Variants in SYNDIG1 observed in about 807,000 individuals in gnomAD.
SYNDIG1 encodes the protein synapse differentiation inducing 1.
SYNDIG1 carries 9 observed loss-of-function variants against 19.4 expected under a neutral mutation model. The ratio of observed to expected loss-of-function variants is 0.46; its 90% CI spans 0.28 to 0.81. SYNDIG1 has a LOEUF of 0.81. Ranked by LOEUF, SYNDIG1 falls within the 30% of genes least tolerant of loss-of-function variation. The probability of loss-of-function intolerance (pLI) is 0.12; values close to 1 mark genes in which losing one functional copy is unlikely to be tolerated. For synonymous variants in SYNDIG1, 141 were observed against 145.9 expected (o/e 0.97, Z 0.24); for missense variants, 311 against 343.3 (o/e 0.91, Z 0.74).
At chr20:24,494,540 G>C (rs1011018644) in intron 1 of SYNDIG1, among the ~76,000 whole-genome samples, 6 of 152,230 alleles carry the variant, frequency 3.9e-5, no homozygotes, top group Non-Finnish European at 4.4e-5. Context: ...TCATTCCTGG[G>C]GGACTGGTGC....
intron 2 of SYNDIG1, among the ~76,000 whole-genome samples, chr20:24,553,667 A>G (rs558312378): frequency 2.0e-3 from 311 of 152,276 alleles, no homozygotes; most frequent in African/African-American, 7.1e-3. Flanking sequence ...CCATTCATCT[A>G]TATCTCTGAT....
intron 2 of SYNDIG1, among the ~76,000 whole-genome samples, chr20:24,544,673 G>T (rs1379785295): frequency 6.6e-6 from 1 of 152,118 alleles, no homozygotes; most frequent in Admixed American, 6.5e-5. Flanking sequence ...GGTGGGGTAA[G>T]GGAAAGTTTG....
chr20:24,651,225 G>A (rs979033179), intron 3 of SYNDIG1, among the ~76,000 whole-genome samples: 4 of 152,132 alleles, frequency 2.6e-5, no homozygotes, highest in Non-Finnish European at 5.9e-5. Context: ...CTGCAAAGAG[G>A]CTGACTGTAA....
intron 2 of SYNDIG1, among the ~76,000 whole-genome samples, chr20:24,549,800 T>C (rs1367271334): frequency 6.6e-6 from 1 of 152,088 alleles, no homozygotes; most frequent in East Asian, 1.9e-4. Flanking sequence ...TAGAGGTGGT[T>C]TTCAGTGGGA....
intron 3 of SYNDIG1, among the ~76,000 whole-genome samples, chr20:24,617,489 C>T (rs1311690137): frequency 6.6e-6 from 1 of 152,212 alleles, no homozygotes; most frequent in Non-Finnish European, 1.5e-5. Context: ...TGAGACAAGA[C>T]CTTTAATGAG....
At chr20:24,623,193 A>G (rs530414519) in intron 3 of SYNDIG1, among the ~76,000 whole-genome samples, 3 of 152,102 alleles carry the variant, frequency 2.0e-5, no homozygotes, top group South Asian at 2.1e-4. Flanking sequence ...AAAAAAGAAA[A>G]GAAAAAAGAG....
chr20:24,650,463 G>A (rs913795078), intron 3 of SYNDIG1, among the ~76,000 whole-genome samples: 22 of 152,354 alleles, frequency 1.4e-4, no homozygotes, highest in Middle Eastern at 3.4e-3. Context: ...CATCACGTAC[G>A]TAGTCAGCAC....
At chr20:24,501,747 A>T (rs1176785904) in intron 1 of SYNDIG1, among the ~76,000 whole-genome samples, 4 of 152,224 alleles carry the variant, frequency 2.6e-5, no homozygotes, top group African/African-American at 9.6e-5. Flanking sequence ...TTCATCTGTC[A>T]TGCACTAGAC....
chr20:24,480,595 G>T (rs1355360776), intron 1 of SYNDIG1, among the ~76,000 whole-genome samples: 1 of 152,178 alleles, frequency 6.6e-6, no homozygotes, highest in East Asian at 1.9e-4. Flanking sequence ...ACATAGATTT[G>T]CCATATGATC....
At chr20:24,612,384 A>G (rs2058863014) in intron 3 of SYNDIG1, among the ~76,000 whole-genome samples, 1 of 152,172 alleles carries the variant, frequency 6.6e-6, no homozygotes, top group Admixed American at 6.5e-5. Context: ...GAATATTGTG[A>G]TGGTCCCTGT....
chr20:24,627,081 G>A (rs2059155936), intron 3 of SYNDIG1, among the ~76,000 whole-genome samples: 1 of 151,856 alleles, frequency 6.6e-6, no homozygotes, highest in Non-Finnish European at 1.5e-5. Context: ...AGAGGGAGAG[G>A]GAGACCGTGG....
intron 3 of SYNDIG1, among the ~76,000 whole-genome samples, chr20:24,631,381 C>T (rs57923233): frequency 0.093 from 14,114 of 152,168 alleles, 1,012 homozygotes; most frequent in East Asian, 0.4. Context: ...CTCAGGACCG[C>T]GGAAGGGCCT....
At chr20:24,471,307 G>T (rs1447033077) in intron 1 of SYNDIG1, among the ~76,000 whole-genome samples, 3 of 152,072 alleles carry the variant, frequency 2.0e-5, no homozygotes, top group Non-Finnish European at 4.4e-5. Flanking sequence ...GCGGGCGGGG[G>T]GCAGTCTGAT....
chr20:24,532,846 G>C (rs184071449), intron 1 of SYNDIG1, among the ~76,000 whole-genome samples: 94 of 152,152 alleles, frequency 6.2e-4, no homozygotes, highest in African/African-American at 2.1e-3. Context: ...ATTTCTCTTC[G>C]TATCTTTTCT....
chr20:24,532,602 A>G (rs746528199), intron 1 of SYNDIG1, among the ~76,000 whole-genome samples: 34 of 152,202 alleles, frequency 2.2e-4, no homozygotes, highest in Non-Finnish European at 4.0e-4. Context: ...ATGGCATGCA[A>G]ATGATATTTC....
chr20:24,625,005 A>G (rs1269459127), intron 3 of SYNDIG1, among the ~76,000 whole-genome samples: 2 of 152,258 alleles, frequency 1.3e-5, no homozygotes, highest in Non-Finnish European at 2.9e-5. Context: ...CTTAGTGTAC[A>G]TGAAAATATA....
chr20:24,628,007 T>A (rs975754622), intron 3 of SYNDIG1, among the ~76,000 whole-genome samples: 22 of 152,202 alleles, frequency 1.4e-4, no homozygotes, highest in Admixed American at 7.2e-4. Context: ...AGCGTGGATG[T>A]TAAATCATCT....
chr20:24,533,798 C>T (rs1053855777), intron 1 of SYNDIG1, among the ~76,000 whole-genome samples: 9 of 152,318 alleles, frequency 5.9e-5, no homozygotes, highest in Middle Eastern at 6.8e-3. Flanking sequence ...ATAGCACCAT[C>T]AATCCCTGGG....
chr20:24,534,309 C>G (rs989186692), intron 1 of SYNDIG1, among the ~76,000 whole-genome samples: 2 of 152,176 alleles, frequency 1.3e-5, no homozygotes, highest in Non-Finnish European at 2.9e-5. Flanking sequence ...CAGCCTCCAC[C>G]CCTCCCCTCC....
Sources: allele counts gnomAD v4.1 joint callset (sites outside exome capture counted in the v4.1 genomes callset), GRCh38; gene constraint gnomAD v4.1.1; transcripts MANE v1.5; gene names NCBI Gene and HGNC (gene_info 2026-07-23, HGNC 2026-07-21).